The following WWOX variants were observed in gnomAD, a reference collection of about 807,000 sequenced individuals.
WWOX encodes the protein WW domain-containing oxidoreductase.
WWOX carries 69 observed loss-of-function variants against 46.2 expected under a neutral mutation model. That is an observed-to-expected ratio of 1.49 (90% confidence interval 1.23 to 1.82). The LOEUF (loss-of-function observed/expected upper bound fraction) is 1.82, where lower values mean the gene tolerates loss of function less well. Among genes scored for constraint, WWOX ranks in the 40% most tolerant of loss-of-function variants. The pLI, the probability that WWOX is intolerant of heterozygous loss-of-function variation, is 0.00. For synonymous variants in WWOX, 359 were observed against 202.6 expected (o/e 1.77, Z -6.56); for missense variants, 919 against 542.6 (o/e 1.69, Z -6.89).
chr16:79,078,442 G>C (rs2048700626), intron 8 of WWOX, among the ~76,000 whole-genome samples: 1 of 152,148 alleles, frequency 6.6e-6, no homozygotes, highest in Non-Finnish European at 1.5e-5. Context: ...GGAGATGGCA[G>C]GGTGGCTGGA....
intron 8 of WWOX, among the ~76,000 whole-genome samples, chr16:78,955,686 T>C (rs2046151504): frequency 6.6e-6 from 1 of 152,094 alleles, no homozygotes; most frequent in East Asian, 1.9e-4. Context: ...GGTCTTGCTC[T>C]ATTGCCCAGG....
intron 5 of WWOX, among the ~76,000 whole-genome samples, chr16:78,178,399 C>T (rs1008305582): frequency 3.9e-5 from 6 of 152,208 alleles, no homozygotes; most frequent in Non-Finnish European, 8.8e-5. Context: ...ACCTTGTTGT[C>T]AAGCAGGCTG....
At chr16:79,053,549 A>G (rs929418240) in intron 8 of WWOX, among the ~76,000 whole-genome samples, 1 of 152,230 alleles carries the variant, frequency 6.6e-6, no homozygotes. Context: ...CTGAGTGGAT[A>G]TTTAATCTTT....
intron 8 of WWOX, among the ~76,000 whole-genome samples, chr16:78,567,306 G>A (rs1036401118): frequency 2.0e-5 from 3 of 151,984 alleles, no homozygotes; most frequent in Non-Finnish European, 4.4e-5. Flanking sequence ...AGCACTTTGG[G>A]AGGCCGAGGT....
chr16:78,318,006 C>A (rs1253647672), intron 5 of WWOX, among the ~76,000 whole-genome samples: 1 of 152,138 alleles, frequency 6.6e-6, no homozygotes, highest in African/African-American at 2.4e-5. Context: ...AAAGGTTCCA[C>A]AGTATTTGGA....
chr16:78,424,936 C>G lies in WWOX; in HGVS notation c.672C>G (p.Gly224=). 3.1e-6 allele frequency: 5 copies of G among 1,614,142 alleles called. No individual in the cohort carries two copies. The highest frequency in any genetic ancestry group is 4.2e-6 in the Non-Finnish European group (5 of 1,180,022). Residue 224 remains glycine, a synonymous_variant, in exon 7 of 9, where the codon GGC becomes GGG. Transcript: ENST00000566780. Reference sequence around the variant, plus strand: ...TACCCTGGAGTCTCACCAAAGATGGCCTGGAGACCACCTTTCAAGTGAATC... The same window carrying G: ...TACCCTGGAGTCTCACCAAAGATGGGCTGGAGACCACCTTTCAAGTGAATC... ...FALPWSLTKD[G]LETTFQVNHL... is the part of the protein sequence containing the mutation.
At chr16:78,323,073 C>A (rs2080522617) in intron 5 of WWOX, among the ~76,000 whole-genome samples, 1 of 152,030 alleles carries the variant, frequency 6.6e-6, no homozygotes, top group African/African-American at 2.4e-5. Context: ...GCGTTCCTTA[C>A]CTACAGCCTG....
At chr16:79,059,522 G>T (rs528000110) in intron 8 of WWOX, among the ~76,000 whole-genome samples, 1 of 152,182 alleles carries the variant, frequency 6.6e-6, no homozygotes, top group East Asian at 1.9e-4. Context: ...ATGGAGTCTT[G>T]CCCTGTTGCC....
intron 8 of WWOX, among the ~76,000 whole-genome samples, chr16:78,557,198 G>T (rs1168029522): frequency 6.6e-6 from 1 of 151,578 alleles, no homozygotes; most frequent in Non-Finnish European, 1.5e-5. Context: ...ACCCAAGCTT[G>T]CTAACACAGG....
At chr16:78,394,429 A>G (rs1450362023) in intron 6 of WWOX, among the ~76,000 whole-genome samples, 2 of 143,836 alleles carry the variant, frequency 1.4e-5, no homozygotes, top group East Asian at 2.4e-4. Context: ...GAAAAAGCAC[A>G]CTGTGAAATA....
At chr16:78,636,220 G>T (rs1409666200) in intron 8 of WWOX, among the ~76,000 whole-genome samples, 1 of 152,136 alleles carries the variant, frequency 6.6e-6, no homozygotes, top group East Asian at 1.9e-4. Context: ...CCAGGTTAAA[G>T]CTTTGATAGT....
chr16:78,942,716 G>A (rs1224321949), intron 8 of WWOX, among the ~76,000 whole-genome samples: 4 of 152,130 alleles, frequency 2.6e-5, no homozygotes, highest in South Asian at 2.1e-4. Flanking sequence ...GAACTTGATG[G>A]TCATCGCAAG....
chr16:78,315,495 T>C (rs770098384), intron 5 of WWOX, among the ~76,000 whole-genome samples: 1 of 151,836 alleles, frequency 6.6e-6, no homozygotes. Flanking sequence ...GCTACAGATA[T>C]AAAAATTGGC....
intron 8 of WWOX, among the ~76,000 whole-genome samples, chr16:79,018,984 C>G (rs981684273): frequency 5.3e-5 from 8 of 151,508 alleles, no homozygotes; most frequent in African/African-American, 1.9e-4. Flanking sequence ...AACCCCATCT[C>G]TACAAAAAAT....
intron 5 of WWOX, among the ~76,000 whole-genome samples, chr16:78,249,958 G>A (rs2037937406): frequency 2.0e-5 from 3 of 152,128 alleles, no homozygotes; most frequent in Admixed American, 2.0e-4. Flanking sequence ...GTAATCAGAG[G>A]GCTGAGGCCA....
At position 78,621,592 on chromosome 16, in the gene WWOX, C is replaced by CTTTTTTTTTTTTTTTTTTTTTTTTTTTTT. The variant is rs34182797; in HGVS notation, c.1056+188842_1056+188870dup. On this transcript the variant is annotated intron_variant, in intron 8 of 8. Coordinates refer to ENST00000566780, the MANE Select transcript of WWOX (RefSeq NM_016373.4). ...ACCTTTAACCTTGTGTTGTTCTAAT[C>CTTTTTTTTTTTTTTTTTTTTTTTTTTTTT]TTTTTTTTTTTTTTTTTTTTTTTTT... Among the ~76,000 whole-genome samples, 29 of 31,540 alleles carry CTTTTTTTTTTTTTTTTTTTTTTTTTTTTT rather than the reference C, an allele frequency of 9.2e-4. 9 individuals are homozygous for CTTTTTTTTTTTTTTTTTTTTTTTTTTTTT. The highest frequency in any genetic ancestry group is 1.2e-3 in the African/African-American group (9 of 7,722). 20.7% of individuals were successfully genotyped at this position (31,540 alleles called of 152,430 possible).
At chr16:78,188,387 C>G (rs942336102) in intron 5 of WWOX, among the ~76,000 whole-genome samples, 23 of 151,190 alleles carry the variant, frequency 1.5e-4, no homozygotes, top group African/African-American at 2.4e-4. Context: ...ACTCGGGAGG[C>G]TGAGGCAGGA....
At position 78,406,654 on chromosome 16, in the gene WWOX, T is replaced by C. The variant is rs11863190; in HGVS notation, c.606-18216T>C. On this transcript the variant is annotated intron_variant, in intron 6 of 8. Coordinates refer to ENST00000566780, the MANE Select transcript of WWOX (RefSeq NM_016373.4). ...TTTTTTTTTTTTTTGAGAGATGGAG[T>C]GTCACTCTGTTGCCGAGGCTGGAGT... Among the ~76,000 whole-genome samples, 719 of 127,836 alleles carry C rather than the reference T, an allele frequency of 5.6e-3. 5 individuals carry two copies. The highest frequency in any genetic ancestry group is 0.021 in the African/African-American group (684 of 32,552). 83.9% of individuals were successfully genotyped at this position (127,836 alleles called of 152,430 possible).
At chr16:78,760,456 A>G (rs2049764787) in intron 8 of WWOX, among the ~76,000 whole-genome samples, 2 of 152,192 alleles carry the variant, frequency 1.3e-5, no homozygotes, top group Non-Finnish European at 2.9e-5. Flanking sequence ...GCAAGGTAGC[A>G]TACTCACAGG....
Sources: allele counts gnomAD v4.1 joint callset (sites outside exome capture counted in the v4.1 genomes callset), GRCh38; gene constraint gnomAD v4.1.1; transcripts MANE v1.5; gene names NCBI Gene and HGNC (gene_info 2026-07-23, HGNC 2026-07-21).